Variants in DPP10 observed in about 807,000 individuals in gnomAD.
DPP10 encodes the protein inactive dipeptidyl peptidase 10.
A neutral mutation model predicts 120.9 loss-of-function variants in DPP10; 33 were observed. The observed-to-expected ratio is 0.27, with a 90% CI of 0.21 to 0.37. The LOEUF is 0.37. Ranked by LOEUF, DPP10 falls within the 10% of genes least tolerant of loss-of-function variation. DPP10 has a pLI of 1.00. For missense variants in DPP10, 816 were observed against 942.8 expected (o/e 0.87, Z 1.76); for synonymous variants, 337 against 326.1 (o/e 1.03, Z -0.36).
chr2:114,879,605 A>T (rs1001642480), intron 1 of DPP10, among the ~76,000 whole-genome samples: 3 of 152,172 alleles, frequency 2.0e-5, no homozygotes, highest in African/African-American at 7.2e-5. Context: ...GGAAAAAGAA[A>T]TCAAATAGGA....
intron 3 of DPP10, among the ~76,000 whole-genome samples, chr2:115,407,635 C>T (rs965341879): frequency 5.3e-5 from 8 of 151,596 alleles, no homozygotes; most frequent in African/African-American, 1.5e-4. Context: ...AGGTCTTTTA[C>T]GGGTGTGTAC....
intron 7 of DPP10, among the ~76,000 whole-genome samples, chr2:115,696,765 T>C (rs2091614674): frequency 1.3e-5 from 2 of 152,338 alleles, no homozygotes; most frequent in South Asian, 2.1e-4. Flanking sequence ...TTCTACTTAA[T>C]TTAAAAAGCT....
chr2:115,075,957 T>C (rs1357488365), intron 1 of DPP10, among the ~76,000 whole-genome samples: 5 of 152,130 alleles, frequency 3.3e-5, no homozygotes, highest in African/African-American at 1.2e-4. Context: ...GAGGCTGCTA[T>C]TGTGAATCAT....
At chr2:115,715,965 T>C (rs549589015) in intron 7 of DPP10, among the ~76,000 whole-genome samples, 29 of 152,292 alleles carry the variant, frequency 1.9e-4, no homozygotes, top group African/African-American at 7.0e-4. Flanking sequence ...AAGCAAATAA[T>C]ACAAATACAG....
chr2:115,019,595 G>A (rs1702920619), intron 1 of DPP10, among the ~76,000 whole-genome samples: 1 of 152,162 alleles, frequency 6.6e-6, no homozygotes, highest in African/African-American at 2.4e-5. Flanking sequence ...ACATCTTTGA[G>A]GGTATAATTG....
intron 1 of DPP10, among the ~76,000 whole-genome samples, chr2:114,567,280 T>G (rs992131720): frequency 6.6e-6 from 1 of 152,228 alleles, no homozygotes; most frequent in African/African-American, 2.4e-5. Context: ...GCTGTGAGTA[T>G]GCTGTCTTAC....
chr2:114,670,983 C>T (rs1698298311), intron 1 of DPP10, among the ~76,000 whole-genome samples: 1 of 152,084 alleles, frequency 6.6e-6, no homozygotes, highest in Admixed American at 6.6e-5. Flanking sequence ...AGTAAGGTCA[C>T]ATTAAGGAGA....
At chr2:115,705,006 G>A (rs2092043524) in intron 7 of DPP10, among the ~76,000 whole-genome samples, 1 of 151,694 alleles carries the variant, frequency 6.6e-6, no homozygotes, top group Admixed American at 6.6e-5. Flanking sequence ...TAATGTTTAG[G>A]TAATTCTTCA....
At chr2:115,514,492 G>A (rs754862302) in intron 4 of DPP10, among the ~76,000 whole-genome samples, 13 of 151,140 alleles carry the variant, frequency 8.6e-5, no homozygotes, top group Admixed American at 2.0e-4. Flanking sequence ...AATAAAACAT[G>A]GTCTAATAAT....
chr2:114,740,758 G>C (rs1364139858), intron 1 of DPP10, among the ~76,000 whole-genome samples: 3 of 152,162 alleles, frequency 2.0e-5, no homozygotes, highest in African/African-American at 7.2e-5. Flanking sequence ...TGATGTTGGA[G>C]GCAGAAACAG....
At chr2:115,617,123 A>G (rs899349279) in intron 5 of DPP10, among the ~76,000 whole-genome samples, 1 of 150,050 alleles carries the variant, frequency 6.7e-6, no homozygotes, top group African/African-American at 2.4e-5. Context: ...TGGGGATACA[A>G]TTATAGACAT....
chr2:115,496,396 C>G (rs921749100), intron 3 of DPP10, among the ~76,000 whole-genome samples: 6 of 151,824 alleles, frequency 4.0e-5, no homozygotes, highest in African/African-American at 1.5e-4. Flanking sequence ...AGATTTTTCT[C>G]AAGGCCAAAT....
At chr2:115,405,914 G>A (rs944890841) in intron 3 of DPP10, among the ~76,000 whole-genome samples, 1 of 152,164 alleles carries the variant, frequency 6.6e-6, no homozygotes, top group Non-Finnish European at 1.5e-5. Context: ...GAAGATCTTT[G>A]AAATGCCTTT....
chr2:115,201,546 C>T (rs115151261), intron 1 of DPP10, among the ~76,000 whole-genome samples: 282 of 152,270 alleles, frequency 1.9e-3, no homozygotes, highest in Middle Eastern at 6.8e-3. Flanking sequence ...CACATCACTT[C>T]GCAGTCGATG....
chr2:114,549,762 G>GGA, intron 1 of DPP10, among the ~76,000 whole-genome samples: 1 of 151,556 alleles, frequency 6.6e-6, no homozygotes, highest in East Asian at 1.9e-4. Flanking sequence ...CATCCTGGTT[G>GGA]GAGACAGCTG....
At chr2:115,188,589 T>C (rs1005670759) in intron 1 of DPP10, among the ~76,000 whole-genome samples, 1 of 152,152 alleles carries the variant, frequency 6.6e-6, no homozygotes, top group Non-Finnish European at 1.5e-5. Flanking sequence ...CACATAAAGA[T>C]CCTTATACTT....
chr2:114,726,294 C>T (rs981686724), intron 1 of DPP10, among the ~76,000 whole-genome samples: 7 of 151,714 alleles, frequency 4.6e-5, no homozygotes, highest in African/African-American at 1.7e-4. Context: ...AACTAGCCAG[C>T]CATATGGTTC....
chr2:115,559,453 T>C (rs2080428062), intron 5 of DPP10, among the ~76,000 whole-genome samples: 1 of 152,194 alleles, frequency 6.6e-6, no homozygotes. Context: ...TAGTTTGATA[T>C]ATTTGAGTGA....
At chr2:114,599,118 G>C (rs1692159693) in intron 1 of DPP10, among the ~76,000 whole-genome samples, 1 of 151,762 alleles carries the variant, frequency 6.6e-6, no homozygotes, top group Non-Finnish European at 1.5e-5. Context: ...GGAGGTTACA[G>C]GTGTATACAT....
Sources: allele counts gnomAD v4.1 joint callset (sites outside exome capture counted in the v4.1 genomes callset), GRCh38; gene constraint gnomAD v4.1.1; transcripts MANE v1.5; gene names NCBI Gene and HGNC (gene_info 2026-07-23, HGNC 2026-07-21).